Variants in GTF2IRD1 observed in about 807,000 individuals in gnomAD.
The protein encoded by GTF2IRD1 is general transcription factor II-I repeat domain-containing protein 1.
GTF2IRD1 carries 26 observed loss-of-function variants against 113.2 expected under a neutral mutation model. The ratio of observed to expected loss-of-function variants is 0.23; its 90% CI spans 0.17 to 0.32. GTF2IRD1 has a LOEUF of 0.32. Ranked by LOEUF, GTF2IRD1 falls within the 10% of genes least tolerant of loss-of-function variation. The pLI is 1.00. For synonymous variants in GTF2IRD1, 484 were observed against 529.1 expected (o/e 0.91, Z 1.17); for missense variants, 864 against 1,280.8 (o/e 0.67, Z 4.97).
intron 1 of GTF2IRD1, among the ~76,000 whole-genome samples, chr7:74,471,694 A>AC (rs1483679353): frequency 1.0e-3 from 86 of 84,768 alleles, no homozygotes; most frequent in Admixed American, 2.0e-3. Context: ...AAAAAACAAA[A>AC]AAAAAAACAA....
At position 74,510,351 on chromosome 7, in the gene GTF2IRD1, G is replaced by C. The variant is rs540092955; in HGVS notation, c.123+2148G>C. Among the ~76,000 whole-genome samples the C allele has an allele frequency of 5.4e-5, 8 of 149,416 alleles. No individual in the cohort carries two copies. The South Asian group carries it at 1.7e-3, about 32-fold the overall frequency. ...AGATAGGGTTTTGCTCTGTCACCCA[G>C]GCTGGAGTGCAATGGCGCGATCTTG... is the stretch of plus-strand genomic sequence containing the variant. On this transcript the variant is annotated intron_variant, in intron 2 of 26. Coordinates refer to ENST00000424337, the MANE Select transcript of GTF2IRD1 (RefSeq NM_005685.4).
chr7:74,515,378 A>T (rs781786543), intron 3 of GTF2IRD1, 63 bp from the exon 4 acceptor site: 71 of 1,545,716 alleles, frequency 4.6e-5, no homozygotes, highest in Non-Finnish European at 5.9e-5. Flanking sequence ...GCGACATCCC[A>T]GCTCGAAGGC....
At chr7:74,535,174 C>T (rs587751908) in intron 10 of GTF2IRD1, 36 bp downstream of exon 10, 62 of 1,587,948 alleles carry the variant, frequency 3.9e-5, no homozygotes, top group East Asian at 1.1e-4. Flanking sequence ...CTGAAGTTTC[C>T]GGATTGGTTC....
intron 22 of GTF2IRD1, among the ~76,000 whole-genome samples, chr7:74,563,722 C>CA (rs1208979877): frequency 3.3e-5 from 5 of 152,028 alleles, no homozygotes; most frequent in African/African-American, 9.6e-5. Context: ...CCCGTCTCTA[C>CA]AAAAAAATTA....
rs187219860 is a variant in GTF2IRD1, at chr7:74,556,134, C to G, written c.2023+640C>G. Among the ~76,000 whole-genome samples the G allele has an allele frequency of 4.3e-3, 653 of 151,828 alleles. 2 individuals carry two copies. Among genetic ancestry groups the G allele is most frequent in the Middle Eastern group, 6.8e-3 (2 of 294 alleles). On this transcript the variant is annotated intron_variant, in intron 19 of 26. Transcript: ENST00000424337. Reference sequence around the variant, plus strand: ...GGGCGAGGTGGCGTGCACCTGTGATCCCAGCTACTAGGGAGGCTAAGGCGG... The same window carrying G: ...GGGCGAGGTGGCGTGCACCTGTGATGCCAGCTACTAGGGAGGCTAAGGCGG...
chr7:74,535,987 G>C (rs1421875024), intron 10 of GTF2IRD1, among the ~76,000 whole-genome samples, 180 bp from the exon 11 acceptor site: 1 of 152,188 alleles, frequency 6.6e-6, no homozygotes, highest in Admixed American at 6.5e-5. Flanking sequence ...TCTGGCGTCA[G>C]AGTCTCTCCC....
At chr7:74,574,872 T>C (rs1240347494) in intron 22 of GTF2IRD1, among the ~76,000 whole-genome samples, 2 of 151,386 alleles carry the variant, frequency 1.3e-5, no homozygotes, top group East Asian at 1.9e-4. Context: ...GCGGATCACC[T>C]AAGGTCAGGA....
At chr7:74,517,426 C>T (rs10229014) in intron 4 of GTF2IRD1, among the ~76,000 whole-genome samples, 7,352 of 98,012 alleles carry the variant, frequency 0.075, 765 homozygotes, top group African/African-American at 0.24. Flanking sequence ...CCTCCCTACA[C>T]CTTTTTTTTT....
At chr7:74,578,367 G>A (rs1295839664) in intron 22 of GTF2IRD1, among the ~76,000 whole-genome samples, 3 of 151,954 alleles carry the variant, frequency 2.0e-5, no homozygotes, top group African/African-American at 7.2e-5. Context: ...TTGTAGAGAC[G>A]GGGTTTCACT....
intron 22 of GTF2IRD1, among the ~76,000 whole-genome samples, chr7:74,574,843 C>G (rs1366370217): frequency 6.6e-6 from 1 of 150,936 alleles, no homozygotes; most frequent in East Asian, 1.9e-4. Flanking sequence ...AATCCCAGCA[C>G]TTCGGGAGGC....
At chr7:74,596,694 C>G (rs1802437441) in intron 25 of GTF2IRD1, among the ~76,000 whole-genome samples, 1 of 152,012 alleles carries the variant, frequency 6.6e-6, no homozygotes, top group Non-Finnish European at 1.5e-5. Flanking sequence ...TGGCTCACGC[C>G]TCTAATCCCA....
At chr7:74,549,860 A>G (rs1283242384) in intron 17 of GTF2IRD1, among the ~76,000 whole-genome samples, 5 of 151,882 alleles carry the variant, frequency 3.3e-5, no homozygotes, top group African/African-American at 1.2e-4. Context: ...CTATGGAGAA[A>G]CCCCATCTCT....
chr7:74,547,727 C>T (rs1187554957), intron 17 of GTF2IRD1, among the ~76,000 whole-genome samples: 3 of 150,594 alleles, frequency 2.0e-5, no homozygotes, highest in South Asian at 2.1e-4. Flanking sequence ...GTGTGAGCCA[C>T]GGCACCAGGC....
chr7:74,536,577 G>A (rs1448532866), intron 11 of GTF2IRD1, among the ~76,000 whole-genome samples: 1 of 152,018 alleles, frequency 6.6e-6, no homozygotes, highest in Non-Finnish European at 1.5e-5. Flanking sequence ...GGAGGCCGAG[G>A]CGGGCGGATC....
At chr7:74,490,516 G>A (rs1795277032) in intron 1 of GTF2IRD1, among the ~76,000 whole-genome samples, 1 of 151,512 alleles carries the variant, frequency 6.6e-6, no homozygotes, top group African/African-American at 2.4e-5. Flanking sequence ...TTCAGAGGGA[G>A]GCTGAGGCTG....
intron 24 of GTF2IRD1, among the ~76,000 whole-genome samples, chr7:74,591,636 T>G (rs1802070366): frequency 6.6e-6 from 1 of 152,166 alleles, no homozygotes; most frequent in South Asian, 2.1e-4. Context: ...CGCCTCAGCC[T>G]CCCAAAGTGC....
At chr7:74,533,636 T>C (rs918871912) in intron 9 of GTF2IRD1, among the ~76,000 whole-genome samples, 2 of 152,156 alleles carry the variant, frequency 1.3e-5, no homozygotes, top group Non-Finnish European at 2.9e-5. Flanking sequence ...TCACCTCACC[T>C]AGCTCACTGC....
intron 19 of GTF2IRD1, among the ~76,000 whole-genome samples, 165 bp from the exon 20 acceptor site, chr7:74,557,474 A>T (rs1799668648): frequency 1.3e-5 from 2 of 152,180 alleles, no homozygotes; most frequent in Admixed American, 1.3e-4. Flanking sequence ...AAAAAAAGAC[A>T]TCTCCATCAA....
chr7:74,545,576 C>T (rs1490495099), intron 15 of GTF2IRD1, among the ~76,000 whole-genome samples, 168 bp from the exon 16 acceptor site: 3 of 152,134 alleles, frequency 2.0e-5, no homozygotes, highest in African/African-American at 7.2e-5. Flanking sequence ...AATTGTGGAC[C>T]TGTCTGCGTG....
Sources: gnomAD v4.1 joint callset for allele counts (sites outside exome capture counted in the v4.1 genomes callset) on GRCh38, gnomAD v4.1.1 for gene constraint, MANE v1.5 for transcripts, NCBI Gene and HGNC (gene_info 2026-07-23, HGNC 2026-07-21) for gene names.